The following NOD2 variants were observed in gnomAD, a reference collection of about 807,000 sequenced individuals.
NOD2 encodes nucleotide-binding oligomerization domain-containing protein 2.
In NOD2, 86 loss-of-function variants were observed where a neutral mutation model predicts 90.9. That is an observed-to-expected ratio of 0.95 (90% CI 0.79 to 1.13). The LOEUF is 1.13. Ranked by LOEUF, NOD2 falls within the 50% of genes most tolerant of loss-of-function variation. The pLI is 0.00. For missense variants in NOD2, 1,238 were observed against 1,283.8 expected, an observed-to-expected ratio of 0.96 and a Z score of 0.55; for synonymous variants, 581 against 554.6, an observed-to-expected ratio of 1.05 and a Z score of -0.67.
At chr16:50,722,575 A>G in intron 7 of NOD2, 47 bp from the exon 8 acceptor site, 1 of 1,534,562 alleles carries the variant, frequency 6.5e-7, no homozygotes, top group Non-Finnish European at 9.0e-7. Flanking sequence ...TAGAACACAT[A>G]TCAGGTACTC....
intron 4 of NOD2, 79 bp downstream of exon 4, chr16:50,712,452 T>G (rs1964584376): frequency 4.4e-6 from 7 of 1,577,238 alleles, no homozygotes; most frequent in Non-Finnish European, 6.1e-6. Context: ...AGCTGGGCTC[T>G]AGAAGTCTGG....
chr16:50,699,809 G>A lies in NOD2; in HGVS notation c.314G>A (p.Arg105Gln), dbSNP rs781540619. The A allele has an allele frequency of 1.3e-5, 21 of 1,613,474 alleles. No homozygotes were observed. The highest frequency in any genetic ancestry group is 1.6e-4 in the Middle Eastern group (1 of 6,082). ...GACCCCCACTCGCTCCACCCAGCCC[G>A]AGACCTGCAGAGTCACCGGCCAGCC... is the stretch of plus-strand genomic sequence containing the variant. ...CWDPHSLHPA[R>Q]DLQSHRPAIV... Residue 105 changes from arginine to glutamine, a missense_variant, in exon 2 of 12, where the codon CGA (arginine) becomes CAA (glutamine). This residue lies in a region of NOD2 where 567 missense variants were observed against 577.3 expected (regional missense o/e 0.98). Transcript: ENST00000647318.
At chr16:50,723,027 A>G (rs1965128735) in intron 8 of NOD2, among the ~76,000 whole-genome samples, 1 of 151,480 alleles carries the variant, frequency 6.6e-6, no homozygotes, top group East Asian at 1.9e-4. Flanking sequence ...AAGAATTCTA[A>G]GGCTGCACCT....
intron 1 of NOD2, among the ~76,000 whole-genome samples, chr16:50,694,565 C>T (rs1963556759): frequency 6.6e-6 from 1 of 152,170 alleles, no homozygotes; most frequent in Non-Finnish European, 1.5e-5. Context: ...GTGCAGAGCC[C>T]CTCTGTGACA....
intron 6 of NOD2, among the ~76,000 whole-genome samples, chr16:50,719,278 G>A (rs906499007): frequency 1.3e-5 from 2 of 152,170 alleles, no homozygotes; most frequent in East Asian, 1.9e-4. Flanking sequence ...GTGGCTTGAC[G>A]TTCCTTGAAA....
At chr16:50,714,515 C>T (rs553290743) in intron 4 of NOD2, among the ~76,000 whole-genome samples, 76 of 151,890 alleles carry the variant, frequency 5.0e-4, no homozygotes, top group African/African-American at 1.7e-3. Context: ...TGTCCTTGAG[C>T]GAGTTTTACT....
In NOD2 at chr16:50,711,122, A is replaced by G; in HGVS notation, c.1130A>G (p.Gln377Arg). The change falls in exon 4 of 12, where the codon CAG becomes CGG. Residue 377 changes from glutamine (Q) to arginine (R), a missense_variant. By Grantham distance (43) the Gln-to-Arg change is conservative. This residue lies in a region of NOD2 where 567 missense variants were observed against 577.3 expected (regional missense o/e 0.98). Coordinates refer to ENST00000647318, the MANE Select transcript of NOD2 (RefSeq NM_001370466.1). Reference sequence around the variant, plus strand: ...TCCCCGACCGACCCCACCTCTGTCCAGACCCTGCTCTTCAACCTTCTGCAG... The same window carrying G: ...TCCCCGACCGACCCCACCTCTGTCCGGACCCTGCTCTTCAACCTTCTGCAG... ...HCSPTDPTSV[Q>R]TLLFNLLQGN... 6.2e-7 allele frequency: 1 copy of G among 1,614,160 alleles called. No homozygotes were observed. The highest frequency in any genetic ancestry group is 8.5e-7 in the Non-Finnish European group (1 of 1,180,030).
chr16:50,710,699 T>G lies in NOD2; in HGVS notation c.707T>G (p.Val236Gly). The G allele has an allele frequency of 6.2e-7, 1 of 1,613,892 alleles. No homozygotes were observed. Among genetic ancestry groups the G allele is most frequent in the Non-Finnish European group, 8.5e-7 (1 of 1,179,822 alleles). ...AATGTCCTGGAGGTCTGGGCAGATG[T>G]GGGCATGGCTGGACCCCCGCAGAAG... The part of the protein sequence containing the change: ...TENVLEVWAD[V>G]GMAGPPQKSP... The change falls in exon 4 of 12, where the codon GTG becomes GGG. Residue 236 changes from valine to glycine, a missense_variant. Physicochemically the swap from Val to Gly is moderately radical, Grantham distance 109. This residue lies in a region of NOD2 where 567 missense variants were observed against 577.3 expected (regional missense o/e 0.98). Transcript: ENST00000647318.
Position 50,731,854 on chromosome 16 carries a change from TG to T in NOD2, c.*36del. 6.5e-7 allele frequency: 1 copy of T among 1,549,764 alleles called. No homozygotes were observed. Among genetic ancestry groups the T allele is most frequent in the Non-Finnish European group, 8.9e-7 (1 of 1,122,210 alleles). ...GAGGATGTTCGTCTCAGTTTGTTTG[TG>T]AGCAGGCTGTGAGTTTGGGCCCCAG... On this transcript the variant is annotated 3_prime_UTR_variant, in exon 12 of 12. Transcript: ENST00000647318.
intron 3 of NOD2, among the ~76,000 whole-genome samples, chr16:50,709,148 G>A (rs1204187576): frequency 1.3e-5 from 2 of 152,096 alleles, no homozygotes; most frequent in African/African-American, 4.8e-5. Context: ...GATATGTACT[G>A]GAGAGGAAGA....
chr16:50,720,376 C>A (rs1965000697), intron 7 of NOD2, among the ~76,000 whole-genome samples: 2 of 152,132 alleles, frequency 1.3e-5, no homozygotes, highest in Admixed American at 6.5e-5. Flanking sequence ...TATCTAGGTG[C>A]AAGGCCCAGG....
rs371707099 is a variant in NOD2, at chr16:50,703,707, A to C, written c.459+3753A>C. Among the ~76,000 whole-genome samples the C allele has an allele frequency of 1.9e-3, 293 of 151,590 alleles. 2 individuals carry two copies. Among genetic ancestry groups the C allele is most frequent in the African/African-American group, 6.8e-3 (279 of 41,330 alleles). ...TCAAAAAAAAAAAAAAAAAAAAGAA[A>C]GGTTACTATTGCCTTTTCTTAGATG... On this transcript the variant is annotated intron_variant, in intron 2 of 11. Transcript: ENST00000647318.
At chr16:50,697,394 C>T (rs1399440231) in intron 1 of NOD2, 1 of 1,348,600 alleles carries the variant, frequency 7.4e-7, no homozygotes, top group Non-Finnish European at 1.0e-6. Context: ...TGCTCCCAGG[C>T]CTGGGGTCAG....
chr16:50,693,999 T>A (rs1055336859), intron 1 of NOD2, among the ~76,000 whole-genome samples: 2 of 152,120 alleles, frequency 1.3e-5, no homozygotes, highest in Admixed American at 1.3e-4. Flanking sequence ...GTACCTCTTA[T>A]GGGAATCTCC....
rs138646630 is a variant in NOD2 at position 50,706,980 on chromosome 16, G to A, written c.460-875G>A. ...CCCAAATTGCTGGGATTACAGGCAT[G>A]AGCCACCATGCTCAGCCATATCTTG... On this transcript the variant is annotated intron_variant, in intron 2 of 11. Transcript: ENST00000647318. Among the ~76,000 whole-genome samples the A allele has an allele frequency of 9.9e-3, 1,505 of 152,326 alleles. 28 individuals carry two copies. Among genetic ancestry groups the A allele is most frequent in the African/African-American group, 0.035 (1,441 of 41,570 alleles).
At chr16:50,699,467 T>G (rs199544441) in intron 1 of NOD2, 21 bp from the exon 2 acceptor site, 2 of 1,608,184 alleles carry the variant, frequency 1.2e-6, no homozygotes, top group South Asian at 2.2e-5. Flanking sequence ...AGTCCCGCAC[T>G]GACCTTGTTC....
chr16:50,696,956 G>A (rs577837595), intron 1 of NOD2, among the ~76,000 whole-genome samples: 19 of 152,364 alleles, frequency 1.2e-4, no homozygotes, highest in African/African-American at 4.6e-4. Context: ...CTACTTACTT[G>A]TGGCCTGTCC....
intron 2 of NOD2, among the ~76,000 whole-genome samples, chr16:50,706,615 G>C (rs945729555): frequency 2.6e-5 from 4 of 152,056 alleles, no homozygotes; most frequent in African/African-American, 9.7e-5. Context: ...GGTCCACATG[G>C]AGTTTCCATA....
chr16:50,719,513 G>A (rs7203691), intron 6 of NOD2, among the ~76,000 whole-genome samples: 51,169 of 151,926 alleles, frequency 0.34, 9,186 homozygotes, highest in Non-Finnish European at 0.39. Flanking sequence ...GCGCTCTTGT[G>A]CAACAGGTAA....
Sources: allele counts gnomAD v4.1 joint callset (sites outside exome capture counted in the v4.1 genomes callset), GRCh38; gene constraint gnomAD v4.1.1; regional missense constraint gnomAD v4.1.1; transcripts MANE v1.5; gene names NCBI Gene and HGNC (gene_info 2026-07-23, HGNC 2026-07-21).